The following DLG2 variants were observed in gnomAD, a reference collection of about 807,000 sequenced individuals.
DLG2 encodes discs large MAGUK scaffold protein 2.
Under a neutral mutation model 132.5 loss-of-function variants are expected in DLG2, and 45 were observed. The observed-to-expected ratio is 0.34, with a 90% CI of 0.27 to 0.44. The LOEUF is 0.44. Ranked by LOEUF, DLG2 falls within the 20% of genes least tolerant of loss-of-function variation. DLG2 has a pLI of 1.00. For synonymous variants in DLG2, 424 were observed against 419.6 expected (o/e 1.01, Z -0.13); for missense variants, 1,045 against 1,196.9 (o/e 0.87, Z 1.87).
intron 6 of DLG2, among the ~76,000 whole-genome samples, chr11:84,831,146 G>A (rs1477960203): frequency 6.6e-6 from 1 of 151,434 alleles, no homozygotes; most frequent in Non-Finnish European, 1.5e-5. Context: ...TAACACAGAT[G>A]TCCATATTTG....
intron 4 of DLG2, among the ~76,000 whole-genome samples, chr11:85,192,083 A>T (rs1469976176): frequency 1.3e-5 from 2 of 152,214 alleles, no homozygotes; most frequent in African/African-American, 4.8e-5. Flanking sequence ...TCTGACTACA[A>T]ATTTACACGC....
intron 10 of DLG2, among the ~76,000 whole-genome samples, chr11:84,077,597 T>A (rs1353431513): frequency 6.6e-6 from 1 of 152,236 alleles, no homozygotes; most frequent in Non-Finnish European, 1.5e-5. Context: ...GGCTGACAAT[T>A]GTTATAAATT....
intron 3 of DLG2, among the ~76,000 whole-genome samples, chr11:85,494,505 G>A (rs2153111726): frequency 6.6e-6 from 1 of 151,968 alleles, no homozygotes; most frequent in African/African-American, 2.4e-5. Flanking sequence ...TTAAAAAAAA[G>A]GAAAGTAAGC....
At chr11:83,483,862 AC>A (rs1296459412) in intron 22 of DLG2, among the ~76,000 whole-genome samples, 6 of 152,288 alleles carry the variant, frequency 3.9e-5, no homozygotes, top group African/African-American at 1.4e-4. Context: ...GGCAAACCGG[AC>A]CCAGTCCTGG....
At chr11:84,014,723 C>T (rs950800367) in intron 11 of DLG2, among the ~76,000 whole-genome samples, 8 of 152,096 alleles carry the variant, frequency 5.3e-5, no homozygotes, top group Non-Finnish European at 1.0e-4. Flanking sequence ...CATTCCAATC[C>T]GCTGTTATGA....
chr11:84,737,537 G>A (rs1021526340), intron 6 of DLG2, among the ~76,000 whole-genome samples: 17 of 151,204 alleles, frequency 1.1e-4, no homozygotes, highest in African/African-American at 4.1e-4. Context: ...AATGTGATGT[G>A]TATGTATTTT....
chr11:84,273,806 A>G (rs971503295), intron 7 of DLG2, among the ~76,000 whole-genome samples: 1 of 152,178 alleles, frequency 6.6e-6, no homozygotes, highest in East Asian at 1.9e-4. Context: ...CTCTCCTCTC[A>G]GTTTAGTTAA....
chr11:84,141,290 TATGCATATATATAATATAGAATATAGA>T (rs2094833891), intron 9 of DLG2, among the ~76,000 whole-genome samples: 1 of 151,638 alleles, frequency 6.6e-6, no homozygotes, highest in South Asian at 2.1e-4. Flanking sequence ...GAAAGAAATA[TATGCATATATATAATATAGAATATAGA>T]ATGTATATAA....
At chr11:83,894,798 C>T (rs1217393078) in intron 15 of DLG2, among the ~76,000 whole-genome samples, 3 of 152,262 alleles carry the variant, frequency 2.0e-5, no homozygotes, top group African/African-American at 7.2e-5. Context: ...TTTTCCCCAG[C>T]CCCTTCTCTT....
intron 5 of DLG2, among the ~76,000 whole-genome samples, chr11:85,151,034 T>C (rs1438607541): frequency 6.6e-6 from 1 of 152,214 alleles, no homozygotes; most frequent in Non-Finnish European, 1.5e-5. Context: ...CAACACATTA[T>C]TTTCTGTTAT....
At chr11:83,903,979 A>C (rs917356038) in intron 15 of DLG2, among the ~76,000 whole-genome samples, 1 of 152,202 alleles carries the variant, frequency 6.6e-6, no homozygotes, top group African/African-American at 2.4e-5. Context: ...AGATATTAAC[A>C]ACAATAACTA....
intron 18 of DLG2, among the ~76,000 whole-genome samples, chr11:83,739,474 T>C (rs1201399014): frequency 6.6e-6 from 1 of 152,142 alleles, no homozygotes; most frequent in African/African-American, 2.4e-5. Context: ...CATATAATAC[T>C]TCTGTGATAT....
At chr11:84,429,335 A>G (rs1197904994) in intron 7 of DLG2, among the ~76,000 whole-genome samples, 1 of 152,186 alleles carries the variant, frequency 6.6e-6, no homozygotes. Context: ...GTGGGGAGGA[A>G]TCTGCTTGCA....
chr11:84,689,875 C>CA (rs1305200665), intron 6 of DLG2, among the ~76,000 whole-genome samples: 1 of 151,614 alleles, frequency 6.6e-6, no homozygotes, highest in African/African-American at 2.4e-5. Flanking sequence ...GAAAAAGAGA[C>CA]AAAAAAGTTC....
intron 6 of DLG2, among the ~76,000 whole-genome samples, chr11:85,023,079 A>G (rs2060220168): frequency 6.6e-6 from 1 of 151,980 alleles, no homozygotes. Flanking sequence ...TCGATACTAA[A>G]AAAATGAAAA....
chr11:84,798,890 G>C (rs1237466692), intron 6 of DLG2, among the ~76,000 whole-genome samples: 1 of 152,106 alleles, frequency 6.6e-6, no homozygotes, highest in African/African-American at 2.4e-5. Context: ...GCCTGGTATG[G>C]GGGCTAGCTG....
chr11:84,678,841 G>A (rs946584087), intron 6 of DLG2, among the ~76,000 whole-genome samples: 1 of 151,934 alleles, frequency 6.6e-6, no homozygotes, highest in Non-Finnish European at 1.5e-5. Flanking sequence ...ATGTGACTTA[G>A]GTAATTTATT....
At chr11:83,521,349 C>T (rs1220772469) in intron 21 of DLG2, among the ~76,000 whole-genome samples, 1 of 152,186 alleles carries the variant, frequency 6.6e-6, no homozygotes, top group Admixed American at 6.5e-5. Flanking sequence ...TTTAACCTGG[C>T]AATCAATCTA....
intron 6 of DLG2, among the ~76,000 whole-genome samples, chr11:84,733,871 C>T (rs2063482040): frequency 1.3e-5 from 2 of 152,120 alleles, no homozygotes; most frequent in South Asian, 4.1e-4. Context: ...GCCAGTTGTC[C>T]CAGCACCATT....
Sources: allele counts gnomAD v4.1 joint callset (sites outside exome capture counted in the v4.1 genomes callset), GRCh38; gene constraint gnomAD v4.1.1; transcripts MANE v1.5; gene names NCBI Gene and HGNC (gene_info 2026-07-23, HGNC 2026-07-21).